NEDD9: variants seen among roughly 807,000 people sequenced by gnomAD.
NEDD9 encodes the protein neural precursor cell expressed, developmentally down-regulated 9, also known as enhancer of filamentation 1.
A neutral mutation model predicts 76.6 loss-of-function variants in NEDD9; 26 were observed. That is an observed-to-expected ratio of 0.34 (90% CI 0.25 to 0.47). The LOEUF is 0.47. NEDD9 is among the 20% of genes least tolerant of loss of function. NEDD9 has a pLI of 1.00. For missense variants in NEDD9, 937 were observed against 1,058.5 expected (o/e 0.89, Z 1.59); for synonymous variants, 392 against 414.2 (o/e 0.95, Z 0.65).
intron 2 of NEDD9, among the ~76,000 whole-genome samples, chr6:11,310,254 A>G (rs1761327355): frequency 6.6e-6 from 1 of 152,192 alleles, no homozygotes; most frequent in Non-Finnish European, 1.5e-5. Flanking sequence ...CTCCGAAAGC[A>G]AGGGGCATGA....
Position 11,237,892 on chromosome 6 carries a change from G to C in NEDD9, c.13-24165C>G, listed in dbSNP as rs551468132. On this transcript the variant is annotated intron_variant, in intron 3 of 3. Transcript: ENST00000397378. This position sits in a 1 kb window ranked among gnomAD's most constrained non-coding sequence, Gnocchi z 4.9. ...GAAGCTGAGTGAGTGCTAGACCAGA[G>C]GAACAAGCCCAGTCCTAAAAAGGAA... Among the ~76,000 whole-genome samples the C allele has an allele frequency of 4.6e-5, 7 of 152,276 alleles. No individual in the cohort carries two copies. In the South Asian group the frequency reaches 1.2e-3, roughly 27 times the overall value.
chr6:11,201,300 G>GC (rs1212099881), intron 2 of NEDD9, among the ~76,000 whole-genome samples: 2 of 152,180 alleles, frequency 1.3e-5, no homozygotes. Context: ...GCAGACGGCT[G>GC]CCACTCACAA....
At chr6:11,298,534 CT>C (rs1760958845) in intron 3 of NEDD9, among the ~76,000 whole-genome samples, 1 of 152,180 alleles carries the variant, frequency 6.6e-6, no homozygotes, top group African/African-American at 2.4e-5. Flanking sequence ...AGAGTTACAG[CT>C]GGAATGAAAT....
At chr6:11,305,773 A>G (rs1761169404) in intron 3 of NEDD9, 2 of 573,468 alleles carry the variant, frequency 3.5e-6, no homozygotes, top group East Asian at 2.9e-5. Flanking sequence ...AGATTTCTGG[A>G]TGGAATAGGA....
chr6:11,263,469 T>G (rs997587400), intron 3 of NEDD9, among the ~76,000 whole-genome samples: 10 of 152,024 alleles, frequency 6.6e-5, no homozygotes, highest in Non-Finnish European at 1.2e-4. Context: ...AAAAAAACCC[T>G]CCCAGGAGTG....
chr6:11,286,460 A>G (rs1464302753), intron 3 of NEDD9, among the ~76,000 whole-genome samples: 1 of 152,226 alleles, frequency 6.6e-6, no homozygotes, highest in Non-Finnish European at 1.5e-5. Flanking sequence ...CTAGTCATTG[A>G]TTCCTAGATT....
At chr6:11,380,594 G>A (rs1057463600) in intron 1 of NEDD9, among the ~76,000 whole-genome samples, 1 of 152,190 alleles carries the variant, frequency 6.6e-6, no homozygotes, top group African/African-American at 2.4e-5. Context: ...CCTGGAGGAG[G>A]GAGGCAGGAC....
chr6:11,276,392 C>T (rs116727741), intron 3 of NEDD9, among the ~76,000 whole-genome samples: 7,401 of 152,034 alleles, frequency 0.049, 276 homozygotes, highest in Non-Finnish European at 0.079. Context: ...TGTGTGTGTG[C>T]GTGCATGTGT....
At chr6:11,256,863 CT>C (rs1760013995) in intron 3 of NEDD9, among the ~76,000 whole-genome samples, 1 of 152,132 alleles carries the variant, frequency 6.6e-6, no homozygotes, top group African/African-American at 2.4e-5. Context: ...ACATTCTGTC[CT>C]TTGTGCAAAC....
intron 2 of NEDD9, among the ~76,000 whole-genome samples, chr6:11,210,875 A>G (rs755469875): frequency 6.6e-6 from 1 of 152,126 alleles, no homozygotes; most frequent in African/African-American, 2.4e-5. Flanking sequence ...GCTCTGGGGT[A>G]CATGGAGAGA....
In NEDD9 at chr6:11,355,462, C is replaced by T. The variant is rs115727841; in HGVS notation, c.-213-20901G>A. 8.4e-4 allele frequency among the ~76,000 whole-genome samples: 128 copies of T among 152,248 alleles called. 1 individual carries two copies. Among genetic ancestry groups the T allele is most frequent in the Non-Finnish European group, 1.3e-3 (91 of 67,996 alleles). On this transcript the variant is annotated intron_variant, in intron 1 of 3. Transcript: ENST00000397378. Reference sequence around the variant, plus strand: ...GCCAAAACGCAAGAACTGTGGGTGTCGTGAAGTCTCCGACCTAGGGTGACG... The same window carrying T: ...GCCAAAACGCAAGAACTGTGGGTGTTGTGAAGTCTCCGACCTAGGGTGACG...
At chr6:11,342,102 G>A (rs1762284831) in intron 1 of NEDD9, among the ~76,000 whole-genome samples, 1 of 151,916 alleles carries the variant, frequency 6.6e-6, no homozygotes, top group African/African-American at 2.4e-5. Context: ...AGAAGAAAAA[G>A]TGAAGTTGGA....
intron 2 of NEDD9, chr6:11,200,606 G>A: frequency 4.6e-6 from 5 of 1,093,424 alleles, no homozygotes; most frequent in Non-Finnish European, 5.6e-6. Context: ...AATCATGGGA[G>A]AAATGAAGAT....
intron 3 of NEDD9, among the ~76,000 whole-genome samples, chr6:11,304,771 A>G (rs1296914429): frequency 6.6e-6 from 1 of 152,198 alleles, no homozygotes; most frequent in Non-Finnish European, 1.5e-5. Context: ...ACACATGGAC[A>G]CAGGGTGGGG....
At chr6:11,287,688 T>C (rs1199295877) in intron 3 of NEDD9, among the ~76,000 whole-genome samples, 4 of 152,214 alleles carry the variant, frequency 2.6e-5, no homozygotes, top group African/African-American at 9.7e-5. Flanking sequence ...TTGTAAAGCC[T>C]TCTGACTTGG....
rs576818503 is a variant in NEDD9 at position 11,190,313 on chromosome 6, T to C, written c.1556A>G (p.Asn519Ser). ...ATCGTCACACTTGTTCTGGGGCTTG[T>C]TGATGGCCAAGATATTCAGGGACCA... ...CSWSLNILAI[N>S]KPQNKCDDLD... Residue 519 changes from asparagine (N) to serine (S), a missense_variant, in exon 5 of 7, where the codon AAC (asparagine) becomes AGC (serine). Physicochemically the swap from Asn to Ser is conservative, Grantham distance 46. Coordinates refer to ENST00000379446, the MANE Select transcript of NEDD9 (RefSeq NM_006403.4). This position sits in a 1 kb window ranked among gnomAD's most constrained non-coding sequence, Gnocchi z 5.8. The C allele has an allele frequency of 1.9e-6, 3 of 1,614,212 alleles. No individual in the cohort carries two copies. In the Admixed American group the frequency reaches 5.0e-5, roughly 27 times the overall value.
chr6:11,228,060 G>C lies in NEDD9; in HGVS notation c.12+4444C>G, dbSNP rs146673064. Among the ~76,000 whole-genome samples, 15 of 149,892 alleles carry C rather than the reference G, an allele frequency of 1.0e-4. No homozygotes were observed. In the East Asian group the frequency reaches 2.9e-3, roughly 29 times the overall value. On this transcript the variant is annotated intron_variant, in intron 1 of 6. Transcript: ENST00000379446. The stretch of plus-strand genomic sequence containing the variant: ...AATGTGCATTAAAAGTGTCACATCT[G>C]TGTGTGGGAGGCAAGGGGGCGGCAG...
At position 11,194,035 on chromosome 6, in the gene NEDD9, A is replaced by G. The variant is rs1758229691; in HGVS notation, c.460-343T>C. On this transcript the variant is annotated intron_variant, in intron 2 of 6. Transcript: ENST00000379446. ...CCACCATGCCCAGCTAATTTTTTGT[A>G]TTTTTAGTAGAGACAGGGTTTCATC... 3.3e-5 allele frequency among the ~76,000 whole-genome samples: 5 copies of G among 152,000 alleles called. No individual in the cohort carries two copies. In the South Asian group the frequency reaches 1.0e-3, roughly 32 times the overall value.
chr6:11,277,708 G>A (rs1317399099), intron 3 of NEDD9, among the ~76,000 whole-genome samples: 1 of 152,180 alleles, frequency 6.6e-6, no homozygotes, highest in African/African-American at 2.4e-5. Context: ...AAAGGTCTGT[G>A]GTGGAGGCAC....
Sources: allele counts gnomAD v4.1 joint callset (sites outside exome capture counted in the v4.1 genomes callset), GRCh38; gene constraint gnomAD v4.1.1; non-coding constraint Gnocchi (gnomAD v3.1); transcripts MANE v1.5; gene names NCBI Gene and HGNC (gene_info 2026-07-23, HGNC 2026-07-21).